BBS9: variants seen among roughly 807,000 people sequenced by gnomAD.
The protein encoded by BBS9 is protein PTHB1.
A neutral mutation model predicts 117.7 loss-of-function variants in BBS9; 89 were observed. That is an observed-to-expected ratio of 0.76 (90% confidence interval 0.64 to 0.90). The LOEUF is 0.90. BBS9 is among the 40% of genes least tolerant of loss of function. BBS9 has a pLI of 0.00. For synonymous variants in BBS9, 379 were observed against 370.9 expected (o/e 1.02, Z -0.25); for missense variants, 982 against 1,042.2 (o/e 0.94, Z 0.80).
In BBS9 at chr7:33,377,069, A is replaced by G. The variant is rs568650307; in HGVS notation, c.1790-6597A>G. ...AGTTTAATTAGATCCCATTTGTCAT[A>G]CTTGCTTTTGTTGCAATTGCTTTTG... On this transcript the variant is annotated intron_variant, in intron 17 of 22. Coordinates refer to ENST00000242067, the MANE Select transcript of BBS9 (RefSeq NM_198428.3). Among the ~76,000 whole-genome samples the G allele has an allele frequency of 1.1e-3, 172 of 152,044 alleles. 2 individuals are homozygous for G. Among genetic ancestry groups the G allele is most frequent in the South Asian group, 4.8e-3 (23 of 4,816 alleles).
intron 5 of BBS9, among the ~76,000 whole-genome samples, chr7:33,238,312 C>T (rs898829587): frequency 1.2e-4 from 18 of 151,118 alleles, no homozygotes; most frequent in African/African-American, 3.2e-4. Flanking sequence ...TTTTTTGAGA[C>T]GGAGTTTCGC....
chr7:33,587,088 T>C (rs1861033113), intron 21 of BBS9, among the ~76,000 whole-genome samples: 1 of 152,046 alleles, frequency 6.6e-6, no homozygotes, highest in African/African-American at 2.4e-5. Context: ...CCTACTCTAC[T>C]GCTCAAAGTT....
chr7:33,352,752 T>G, intron 14 of BBS9, 107 bp from the exon 15 acceptor site: 5 of 1,296,446 alleles, frequency 3.9e-6, no homozygotes, highest in Non-Finnish European at 5.6e-6. Flanking sequence ...GAAATTTTAA[T>G]TTGTATTTTA....
chr7:33,455,917 A>G (rs935170896), intron 19 of BBS9, among the ~76,000 whole-genome samples: 2 of 152,214 alleles, frequency 1.3e-5, no homozygotes, highest in Non-Finnish European at 2.9e-5. Context: ...TGAGTAAGTC[A>G]CTATGCCTGC....
intron 21 of BBS9, among the ~76,000 whole-genome samples, chr7:33,537,027 T>A (rs1851551515): frequency 6.6e-6 from 1 of 152,046 alleles, no homozygotes; most frequent in African/African-American, 2.4e-5. Flanking sequence ...AAAGTTTTTT[T>A]TGCAGAGATG....
intron 5 of BBS9, among the ~76,000 whole-genome samples, chr7:33,187,638 G>A (rs1783339469): frequency 1.3e-5 from 2 of 152,170 alleles, no homozygotes; most frequent in Non-Finnish European, 2.9e-5. Flanking sequence ...ACAGTTTATG[G>A]GCTGGCCATG....
Position 33,502,119 on chromosome 7 carries a change from A to G in BBS9, c.2116-3344A>G, listed in dbSNP as rs570830675. Among the ~76,000 whole-genome samples the G allele has an allele frequency of 3.3e-4, 51 of 152,278 alleles. 2 individuals are homozygous for G. In the South Asian group the frequency reaches 7.3e-3, roughly 22 times the overall value. ...AAGATGGGTTTTCAACATGTTGGCC[A>G]GGCTGCTCTCGAATGCCTGACCTTG... On this transcript the variant is annotated intron_variant, in intron 19 of 22. Coordinates refer to ENST00000242067, the MANE Select transcript of BBS9 (RefSeq NM_198428.3).
intron 21 of BBS9, among the ~76,000 whole-genome samples, chr7:33,547,451 A>C (rs140263816): frequency 2.0e-5 from 3 of 152,348 alleles, no homozygotes; most frequent in African/African-American, 7.2e-5. Flanking sequence ...AATAATCTAG[A>C]ATATACATAG....
At chr7:33,373,122 G>A (rs1345697600) in intron 17 of BBS9, among the ~76,000 whole-genome samples, 1 of 151,632 alleles carries the variant, frequency 6.6e-6, no homozygotes, top group Non-Finnish European at 1.5e-5. Flanking sequence ...TTGATGCTTA[G>A]CACAATGAAT....
At chr7:33,165,128 G>A (rs899142526) in intron 4 of BBS9, among the ~76,000 whole-genome samples, 1 of 152,056 alleles carries the variant, frequency 6.6e-6, no homozygotes, top group South Asian at 2.1e-4. Context: ...GTTGAAAATT[G>A]TTTTCTTTAA....
At chr7:33,546,822 T>C (rs1853454092) in intron 21 of BBS9, among the ~76,000 whole-genome samples, 1 of 152,208 alleles carries the variant, frequency 6.6e-6, no homozygotes, top group African/African-American at 2.4e-5. Context: ...CCATCTGTGC[T>C]CCCTGGTCCC....
chr7:33,182,243 A>G (rs753904206), intron 5 of BBS9, among the ~76,000 whole-genome samples: 38 of 152,208 alleles, frequency 2.5e-4, no homozygotes, highest in Non-Finnish European at 4.0e-4. Context: ...CTCTTTCTCT[A>G]GTAGTCTCAA....
At chr7:33,200,532 T>C (rs1411729392) in intron 5 of BBS9, among the ~76,000 whole-genome samples, 1 of 152,192 alleles carries the variant, frequency 6.6e-6, no homozygotes, top group Non-Finnish European at 1.5e-5. Context: ...TCCAATGTCC[T>C]GTGCTACTCA....
intron 5 of BBS9, among the ~76,000 whole-genome samples, chr7:33,184,356 C>G (rs535597952): frequency 3.9e-5 from 6 of 152,276 alleles, no homozygotes; most frequent in Non-Finnish European, 8.8e-5. Flanking sequence ...CATGCCTAAT[C>G]CCCCCACAGC....
chr7:33,451,300 A>G (rs561270477), intron 19 of BBS9, among the ~76,000 whole-genome samples: 1 of 152,180 alleles, frequency 6.6e-6, no homozygotes, highest in Non-Finnish European at 1.5e-5. Flanking sequence ...CTTTTCCCCT[A>G]TGTTTTCTTC....
At chr7:33,366,543 C>CTTTTTTTTTTTT (rs70989948) in intron 16 of BBS9, among the ~76,000 whole-genome samples, 7 of 89,692 alleles carry the variant, frequency 7.8e-5, no homozygotes, top group Admixed American at 1.4e-4. Context: ...TCTTTTCTTT[C>CTTTTTTTTTTTT]TTTTTTTTTT....
chr7:33,242,020 A>G (rs1794612069), intron 5 of BBS9, among the ~76,000 whole-genome samples: 1 of 152,062 alleles, frequency 6.6e-6, no homozygotes, highest in African/African-American at 2.4e-5. Flanking sequence ...ATCAATGGGA[A>G]TGATTGGTGT....
At chr7:33,428,766 C>A (rs1833992017) in intron 19 of BBS9, among the ~76,000 whole-genome samples, 1 of 152,120 alleles carries the variant, frequency 6.6e-6, no homozygotes, top group Non-Finnish European at 1.5e-5. Flanking sequence ...TCTATAATAA[C>A]TATGATAGTT....
intron 21 of BBS9, among the ~76,000 whole-genome samples, chr7:33,546,194 A>G (rs1024721811): frequency 2.0e-5 from 3 of 152,016 alleles, no homozygotes; most frequent in Non-Finnish European, 4.4e-5. Flanking sequence ...CGGCCTCCCA[A>G]AGTGCTGGGA....
Sources: gnomAD v4.1 joint callset for allele counts (sites outside exome capture counted in the v4.1 genomes callset) on GRCh38, gnomAD v4.1.1 for gene constraint, MANE v1.5 for transcripts, NCBI Gene and HGNC (gene_info 2026-07-23, HGNC 2026-07-21) for gene names.